Variants in PCDH9 observed in about 807,000 individuals in gnomAD.
PCDH9 encodes protocadherin-9.
Under a neutral mutation model 70.6 loss-of-function variants are expected in PCDH9, and 24 were observed. The ratio of observed to expected loss-of-function variants is 0.34; its 90% CI spans 0.25 to 0.48. The LOEUF (loss-of-function observed/expected upper bound fraction) is 0.48, where lower values mean the gene tolerates loss of function less well. Ranked by LOEUF, PCDH9 falls within the 20% of genes least tolerant of loss-of-function variation. PCDH9 has a pLI of 0.99. For missense variants in PCDH9, 1,281 were observed against 1,503.6 expected (o/e 0.85, Z 2.45); for synonymous variants, 562 against 558.5 (o/e 1.01, Z -0.09).
At chr13:66,397,442 A>ATG (rs1327686395) in intron 4 of PCDH9, among the ~76,000 whole-genome samples, 47 of 132,744 alleles carry the variant, frequency 3.5e-4, no homozygotes, top group African/African-American at 5.4e-4. Context: ...GTATACATAT[A>ATG]TGTGTGTGTG....
chr13:66,513,502 C>G (rs763478716), intron 4 of PCDH9, among the ~76,000 whole-genome samples: 3 of 151,862 alleles, frequency 2.0e-5, no homozygotes, highest in Non-Finnish European at 2.9e-5. Flanking sequence ...CAAAAGAAGA[C>G]AAAAACTACA....
intron 4 of PCDH9, among the ~76,000 whole-genome samples, chr13:66,562,011 C>T (rs140720378): frequency 6.6e-6 from 1 of 152,008 alleles, no homozygotes; most frequent in African/African-American, 2.4e-5. Context: ...GCCAGCGAGA[C>T]CACAAACCCA....
At chr13:66,318,154 A>C (rs1303597240) in intron 4 of PCDH9, among the ~76,000 whole-genome samples, 3 of 152,174 alleles carry the variant, frequency 2.0e-5, no homozygotes, top group Non-Finnish European at 4.4e-5. Context: ...CACACCTTGC[A>C]AATCCAGGGA....
chr13:67,157,800 C>T (rs1017111484), intron 2 of PCDH9, among the ~76,000 whole-genome samples: 10 of 152,150 alleles, frequency 6.6e-5, no homozygotes, highest in Non-Finnish European at 8.8e-5. Context: ...AAGTCTAGCA[C>T]GCAGATAGAT....
chr13:66,515,124 G>T (rs1350960698), intron 4 of PCDH9, among the ~76,000 whole-genome samples: 1 of 151,970 alleles, frequency 6.6e-6, no homozygotes, highest in Non-Finnish European at 1.5e-5. Flanking sequence ...AAGAACAAAG[G>T]CTCAGAAAGG....
chr13:66,579,918 G>A (rs192567257), intron 4 of PCDH9, among the ~76,000 whole-genome samples: 28 of 152,094 alleles, frequency 1.8e-4, no homozygotes, highest in Non-Finnish European at 4.4e-5. Context: ...GCTGATACTG[G>A]AGATAATTTC....
chr13:66,919,150 G>A (rs1215147986), intron 2 of PCDH9, among the ~76,000 whole-genome samples: 2 of 150,978 alleles, frequency 1.3e-5, no homozygotes, highest in African/African-American at 2.4e-5. Flanking sequence ...ATTTCTCTGG[G>A]GAACTTCATA....
At chr13:66,320,593 C>T (rs1955736999) in intron 4 of PCDH9, among the ~76,000 whole-genome samples, 1 of 151,890 alleles carries the variant, frequency 6.6e-6, no homozygotes. Flanking sequence ...AAATGTTCTC[C>T]CTTTCAGCAT....
intron 3 of PCDH9, among the ~76,000 whole-genome samples, chr13:66,668,896 G>C (rs2078133694): frequency 6.6e-6 from 1 of 152,048 alleles, no homozygotes; most frequent in African/African-American, 2.4e-5. Flanking sequence ...GTAGTATTAT[G>C]GTCTCAGGTT....
chr13:67,070,735 T>C (rs2085745540), intron 2 of PCDH9, among the ~76,000 whole-genome samples: 1 of 152,176 alleles, frequency 6.6e-6, no homozygotes, highest in Non-Finnish European at 1.5e-5. Flanking sequence ...AAAAAATCAC[T>C]GTGATCTGTA....
chr13:66,914,118 G>GT (rs2082518068), intron 2 of PCDH9, among the ~76,000 whole-genome samples: 1 of 151,802 alleles, frequency 6.6e-6, no homozygotes, highest in African/African-American at 2.4e-5. Context: ...AGGCCAGAGT[G>GT]TTTTTTTAAA....
At chr13:67,153,920 G>A (rs995682281) in intron 2 of PCDH9, among the ~76,000 whole-genome samples, 7 of 152,154 alleles carry the variant, frequency 4.6e-5, no homozygotes, top group Non-Finnish European at 8.8e-5. Flanking sequence ...CTGGGCTTGC[G>A]ACCTTAGAAT....
At chr13:66,941,222 T>C (rs995991274) in intron 2 of PCDH9, among the ~76,000 whole-genome samples, 1 of 151,636 alleles carries the variant, frequency 6.6e-6, no homozygotes, top group African/African-American at 2.4e-5. Flanking sequence ...TTACAGACAT[T>C]TACTATAAAC....
intron 2 of PCDH9, among the ~76,000 whole-genome samples, chr13:66,912,633 AAATCAAGTACTATATAT>A (rs1239689954): frequency 1.3e-5 from 2 of 152,108 alleles, no homozygotes; most frequent in Non-Finnish European, 2.9e-5. Flanking sequence ...TCATTAAACA[AAATCAAGTACTATATAT>A]GCATAAAATA....
intron 3 of PCDH9, among the ~76,000 whole-genome samples, chr13:66,878,117 G>T (rs1007421216): frequency 1.3e-5 from 2 of 152,158 alleles, no homozygotes; most frequent in Non-Finnish European, 2.9e-5. Flanking sequence ...GAAAAAAGAA[G>T]ATGCAGAGCA....
At chr13:66,366,797 A>T (rs1956561000) in intron 4 of PCDH9, among the ~76,000 whole-genome samples, 1 of 152,136 alleles carries the variant, frequency 6.6e-6, no homozygotes, top group African/African-American at 2.4e-5. Flanking sequence ...TGATTTCATT[A>T]TAATTCAGTG....
At chr13:66,331,296 G>A (rs533133060) in intron 4 of PCDH9, among the ~76,000 whole-genome samples, 5 of 152,176 alleles carry the variant, frequency 3.3e-5, no homozygotes, top group Admixed American at 3.3e-4. Context: ...CATTGTTACT[G>A]GGAAAAATCC....
chr13:67,063,597 T>C (rs188063395), intron 2 of PCDH9, among the ~76,000 whole-genome samples: 2 of 152,022 alleles, frequency 1.3e-5, no homozygotes, highest in African/African-American at 2.4e-5. Flanking sequence ...TATACTATAC[T>C]GCCGATTTGC....
intron 4 of PCDH9, among the ~76,000 whole-genome samples, chr13:66,434,390 A>G (rs1189512223): frequency 1.3e-5 from 2 of 152,016 alleles, no homozygotes; most frequent in Non-Finnish European, 2.9e-5. Context: ...TGAATTGTCC[A>G]TTAAACTTAA....
Sources: allele counts gnomAD v4.1 joint callset (sites outside exome capture counted in the v4.1 genomes callset), GRCh38; gene constraint gnomAD v4.1.1; transcripts MANE v1.5; gene names NCBI Gene and HGNC (gene_info 2026-07-23, HGNC 2026-07-21).